The following BEND3 variants were observed in gnomAD, a reference collection of about 807,000 sequenced individuals.
BEND3 encodes the protein BEN domain-containing protein 3.
Under a neutral mutation model 60.1 loss-of-function variants are expected in BEND3, and 13 were observed. The ratio of observed to expected loss-of-function variants is 0.22; its 90% CI spans 0.14 to 0.34. BEND3 has a LOEUF of 0.34. Ranked by LOEUF, BEND3 falls within the 10% of genes least tolerant of loss-of-function variation. BEND3 has a pLI of 1.00. For synonymous variants in BEND3, 497 were observed against 491.5 expected, an observed-to-expected ratio of 1.01 and a Z score of -0.15; for missense variants, 896 against 1,138.1, an observed-to-expected ratio of 0.79 and a Z score of 3.06.
At chr6:107,082,271 T>G (rs1244430831) in intron 3 of BEND3, among the ~76,000 whole-genome samples, 3 of 152,072 alleles carry the variant, frequency 2.0e-5, no homozygotes, top group Non-Finnish European at 4.4e-5. Flanking sequence ...GGGGATAATG[T>G]ACGTAAAGGG....
chr6:107,091,110 G>GA lies in BEND3; in HGVS notation c.240+7440dup, dbSNP rs1311566662. Among the ~76,000 whole-genome samples the GA allele has an allele frequency of 4.6e-3, 608 of 132,926 alleles. 4 individuals are homozygous for GA. The highest frequency in any genetic ancestry group is 7.1e-3 in the Non-Finnish European group (441 of 61,866). 87.2% of individuals were successfully genotyped at this position (132,926 alleles called of 152,430 possible). A position where few individuals can be genotyped will look rare whatever the true frequency, so the allele number is the denominator to read the frequency against. The stretch of plus-strand genomic sequence containing the variant: ...GGGCAACAGAGTGATACTCCATCTC[G>GA]AAAAAAAAAAAAGAAAGAAAATGAA... On this transcript the variant is annotated intron_variant, in intron 3 of 3. Transcript: ENST00000369042.
rs1774932296 is a variant in BEND3, at chr6:107,069,997, A to C, written c.1194T>G (p.Thr398=). Residue 398 remains threonine, a synonymous_variant, in exon 4 of 4, where the codon ACT becomes ACG. Coordinates refer to ENST00000369042, the MANE Select transcript of BEND3 (RefSeq NM_001367314.1). ...SDHVVDTQDL[T]EFLDEASSPG... is the part of the protein sequence containing the mutation. ...GTGAGGAGGCTTCGTCCAGGAACTC[A>C]GTGAGGTCCTGCGTGTCCACCACGT... The C allele has an allele frequency of 7.4e-6, 12 of 1,613,422 alleles. No individual in the cohort carries two copies. The East Asian group carries it at 8.9e-5, about 12-fold the overall frequency.
intron 3 of BEND3, among the ~76,000 whole-genome samples, chr6:107,095,824 C>G (rs1775574530): frequency 6.6e-6 from 1 of 152,130 alleles, no homozygotes; most frequent in African/African-American, 2.4e-5. Flanking sequence ...TCCAACTTCA[C>G]GACATTCTGG....
intron 3 of BEND3, among the ~76,000 whole-genome samples, chr6:107,080,752 T>C (rs1775215248): frequency 6.6e-6 from 1 of 151,824 alleles, no homozygotes; most frequent in South Asian, 2.1e-4. Flanking sequence ...GGCGTGGTGG[T>C]GCGCACCTGT....
chr6:107,094,307 A>G (rs1454132532), intron 3 of BEND3, among the ~76,000 whole-genome samples: 1 of 152,106 alleles, frequency 6.6e-6, no homozygotes. Context: ...TCCACATCAT[A>G]TGTTGTCAGG....
chr6:107,106,158 T>C (rs1296609712), intron 1 of BEND3: 1 of 152,216 alleles, frequency 6.6e-6, no homozygotes, highest in Non-Finnish European at 1.5e-5. Flanking sequence ...TTCTAAAAAT[T>C]AAACCTAGAA....
At chr6:107,109,808 T>C (rs1177331125) in intron 1 of BEND3, among the ~76,000 whole-genome samples, 3 of 149,744 alleles carry the variant, frequency 2.0e-5, no homozygotes, top group Non-Finnish European at 4.5e-5. Context: ...TGGGAGGCGG[T>C]GGTTGCAGTG....
chr6:107,097,551 GAGGCCAAGGC>G (rs1775610767), intron 3 of BEND3, among the ~76,000 whole-genome samples: 1 of 151,876 alleles, frequency 6.6e-6, no homozygotes, highest in Non-Finnish European at 1.5e-5. Flanking sequence ...AGCACTTTGG[GAGGCCAAGGC>G]AGGCAGATCA....
chr6:107,098,589 A>G lies in BEND3; in HGVS notation c.202T>C (p.Ser68Pro), dbSNP rs781885048. Residue 68 changes from serine to proline, a missense_variant, in exon 3 of 4, where the codon TCT becomes CCT. This residue lies in a region of BEND3 where 846 missense variants were observed against 1,036.7 expected (regional missense o/e 0.82). Coordinates refer to ENST00000369042, the MANE Select transcript of BEND3 (RefSeq NM_001367314.1). ...KQLVSDGLLDSVPGVKRRRLI... is the reference protein window; with the variant it reads ...KQLVSDGLLDPVPGVKRRRLI... Reference sequence around the variant, plus strand: ...CGCCTCCTCTTCACGCCGGGGACAGAGTCTAGCAGGCCATCGCTGACCAGC... The same window carrying G: ...CGCCTCCTCTTCACGCCGGGGACAGGGTCTAGCAGGCCATCGCTGACCAGC... The G allele has an allele frequency of 1.6e-5, 26 of 1,613,530 alleles. No individual in the cohort carries two copies. The highest frequency in any genetic ancestry group is 2.2e-5 in the Non-Finnish European group (26 of 1,180,012).
intron 3 of BEND3, among the ~76,000 whole-genome samples, chr6:107,074,895 A>G (rs529240190): frequency 3.4e-4 from 51 of 152,110 alleles, no homozygotes; most frequent in African/African-American, 1.2e-3. Context: ...AGGTCAGGAG[A>G]TTGAGACCAT....
chr6:107,086,387 T>C (rs1161838508), intron 3 of BEND3, among the ~76,000 whole-genome samples: 1 of 151,842 alleles, frequency 6.6e-6, no homozygotes, highest in East Asian at 2.0e-4. Context: ...GAGGCCGAGG[T>C]GGGCGGATCA....
intron 1 of BEND3, among the ~76,000 whole-genome samples, chr6:107,103,128 G>A (rs530648278): frequency 1.3e-5 from 2 of 152,250 alleles, no homozygotes; most frequent in South Asian, 2.1e-4. Flanking sequence ...TGCTCCGTGC[G>A]TAGAAACAGA....
intron 3 of BEND3, among the ~76,000 whole-genome samples, chr6:107,097,259 C>T (rs1373579468): frequency 2.0e-5 from 3 of 151,276 alleles, no homozygotes; most frequent in African/African-American, 7.3e-5. Context: ...CCCAGCTACT[C>T]GGGAGGCTGA....
rs116677062 is a variant in BEND3 at position 107,103,914 on chromosome 6, C to T, written c.-11-4618G>A. Among the ~76,000 whole-genome samples, 735 of 145,140 alleles carry T rather than the reference C, an allele frequency of 5.1e-3. 6 individuals carry two copies. Among genetic ancestry groups the T allele is most frequent in the African/African-American group, 0.018 (686 of 39,034 alleles). ...GAGGAGCCGAGATCGCGCCATTCAA[C>T]GCCAGGCTAGGCAACAAGAGCGAAA... On this transcript the variant is annotated intron_variant, in intron 1 of 3. Transcript: ENST00000369042.
chr6:107,097,954 A>C (rs1187191815), intron 3 of BEND3, among the ~76,000 whole-genome samples: 1 of 152,202 alleles, frequency 6.6e-6, no homozygotes, highest in African/African-American at 2.4e-5. Context: ...AAAATGTATA[A>C]CTTCCTAATT....
intron 3 of BEND3, 73 bp downstream of exon 3, chr6:107,098,478 C>G: frequency 3.9e-6 from 6 of 1,519,182 alleles, no homozygotes; most frequent in Non-Finnish European, 5.4e-6. Flanking sequence ...ATGCCCAAAA[C>G]AAGAGGGAGA....
chr6:107,088,227 A>G (rs1775398781), intron 3 of BEND3, among the ~76,000 whole-genome samples: 1 of 152,152 alleles, frequency 6.6e-6, no homozygotes, highest in African/African-American at 2.4e-5. Flanking sequence ...CACGGCTGAA[A>G]AAAGAATCTC....
In BEND3 at chr6:107,103,373, C is replaced by T. The variant is rs539334551; in HGVS notation, c.-11-4077G>A. On this transcript the variant is annotated intron_variant, in intron 1 of 3. Coordinates refer to ENST00000369042, the MANE Select transcript of BEND3 (RefSeq NM_001367314.1). The stretch of plus-strand genomic sequence containing the variant: ...CCTAGCATGCCACAGACATTCCTCT[C>T]GCCTACCTGACTATAGGCTACGTAG... Among the ~76,000 whole-genome samples the T allele has an allele frequency of 1.2e-4, 19 of 152,306 alleles. No individual in the cohort carries two copies. The South Asian group carries it at 1.7e-3, about 13-fold the overall frequency.
In BEND3 at chr6:107,083,507, C is replaced by T. The variant is rs912241196; in HGVS notation, c.241-12557G>A. 2.6e-5 allele frequency among the ~76,000 whole-genome samples: 4 copies of T among 151,864 alleles called. No homozygotes were observed. The South Asian group carries it at 6.2e-4, about 24-fold the overall frequency. On this transcript the variant is annotated intron_variant, in intron 3 of 3. Coordinates refer to ENST00000369042, the MANE Select transcript of BEND3 (RefSeq NM_001367314.1). Reference sequence around the variant, plus strand: ...ACAAAATTACCCAGTTGTGGTGGTGCGTGCCTGCAGTCCCAGATATTTGGG... The same window carrying T: ...ACAAAATTACCCAGTTGTGGTGGTGTGTGCCTGCAGTCCCAGATATTTGGG...
Sources: allele counts gnomAD v4.1 joint callset (sites outside exome capture counted in the v4.1 genomes callset), GRCh38; gene constraint gnomAD v4.1.1; regional missense constraint gnomAD v4.1.1; transcripts MANE v1.5; gene names NCBI Gene and HGNC (gene_info 2026-07-23, HGNC 2026-07-21).